The following IL34 variants were observed in gnomAD, a reference collection of about 807,000 sequenced individuals.
The protein encoded by IL34 is interleukin-34.
In IL34, 17 loss-of-function variants were observed where a neutral mutation model predicts 25.3. That is an observed-to-expected ratio of 0.67 (90% confidence interval 0.46 to 1.01). The LOEUF is 1.01. Ranked by LOEUF, IL34 falls within the 50% of genes least tolerant of loss-of-function variation. IL34 has a pLI of 0.00. For missense variants in IL34, 368 were observed against 312.9 expected (o/e 1.18, Z -1.33); for synonymous variants, 174 against 140.9 (o/e 1.23, Z -1.66).
At chr16:70,636,383 G>T (rs1025068866) in intron 1 of IL34, among the ~76,000 whole-genome samples, 3 of 152,258 alleles carry the variant, frequency 2.0e-5, no homozygotes, top group Middle Eastern at 3.4e-3. Context: ...TTCATTTACA[G>T]TCTAGAAACT....
At chr16:70,583,788 A>C (rs2050661166) in intron 1 of IL34, among the ~76,000 whole-genome samples, 1 of 151,974 alleles carries the variant, frequency 6.6e-6, no homozygotes, top group African/African-American at 2.4e-5. Flanking sequence ...AGTAGCTGGA[A>C]TTACAGGTGT....
intron 1 of IL34, among the ~76,000 whole-genome samples, chr16:70,582,886 A>T (rs1189502474): frequency 6.6e-6 from 1 of 152,186 alleles, no homozygotes; most frequent in Non-Finnish European, 1.5e-5. Context: ...CTTAAGGATG[A>T]GGAACAATTG....
intron 1 of IL34, among the ~76,000 whole-genome samples, chr16:70,606,669 C>T (rs2151823037): frequency 6.6e-6 from 1 of 152,140 alleles, no homozygotes; most frequent in Middle Eastern, 3.4e-3. Flanking sequence ...CTCACTGCAG[C>T]CTTAACCTCC....
At chr16:70,627,385 A>G (rs536246158) in intron 1 of IL34, among the ~76,000 whole-genome samples, 2 of 149,408 alleles carry the variant, frequency 1.3e-5, no homozygotes, top group South Asian at 4.3e-4. Context: ...CCAGATCCCC[A>G]AACACTCACT....
At chr16:70,648,988 TCTC>T (rs1239954716) in intron 1 of IL34, among the ~76,000 whole-genome samples, 15 of 152,134 alleles carry the variant, frequency 9.9e-5, no homozygotes, top group Non-Finnish European at 1.9e-4. Context: ...CTCTATGTCC[TCTC>T]CTCTTCTTCC....
chr16:70,658,270 A>G (rs1349542789), intron 4 of IL34, among the ~76,000 whole-genome samples: 6 of 152,190 alleles, frequency 3.9e-5, no homozygotes, highest in South Asian at 2.1e-4. Flanking sequence ...GAGGCTGTCA[A>G]TTCCTACAAA....
At chr16:70,582,615 C>T (rs533104072) in intron 1 of IL34, among the ~76,000 whole-genome samples, 1 of 152,340 alleles carries the variant, frequency 6.6e-6, no homozygotes, top group Non-Finnish European at 1.5e-5. Flanking sequence ...CCCCAAGGAG[C>T]CCTTACCGTG....
At chr16:70,611,081 C>G (rs1052558213) in intron 1 of IL34, among the ~76,000 whole-genome samples, 1 of 152,182 alleles carries the variant, frequency 6.6e-6, no homozygotes. Flanking sequence ...CTGGTTCAGG[C>G]AGTCCTCCCG....
intron 1 of IL34, among the ~76,000 whole-genome samples, chr16:70,600,614 T>G (rs1382933710): frequency 1.3e-5 from 2 of 152,222 alleles, no homozygotes; most frequent in Non-Finnish European, 2.9e-5. Flanking sequence ...TGTATCATAA[T>G]TTAATTGGCA....
At chr16:70,639,265 G>A (rs1002203282) in intron 1 of IL34, among the ~76,000 whole-genome samples, 15 of 152,146 alleles carry the variant, frequency 9.9e-5, no homozygotes, top group African/African-American at 2.9e-4. Context: ...GAAAATGCAC[G>A]TCCAGAACCC....
intron 4 of IL34, among the ~76,000 whole-genome samples, chr16:70,658,292 C>T (rs2052287524): frequency 6.6e-6 from 1 of 152,146 alleles, no homozygotes; most frequent in African/African-American, 2.4e-5. Context: ...TCAGGAGACT[C>T]CTTGATCTGC....
Position 70,660,202 on chromosome 16 carries a change from G to C in IL34, c.*15G>C. Reference sequence around the variant, plus strand: ...TCTTGCCCTGAGCACCCTGGATGGTGACTGCGGATAGGGGCAGCCAGACCA... The same window carrying C: ...TCTTGCCCTGAGCACCCTGGATGGTCACTGCGGATAGGGGCAGCCAGACCA... On this transcript the variant is annotated 3_prime_UTR_variant, in exon 6 of 6. Transcript: ENST00000288098. 6.4e-7 allele frequency: 1 copy of C among 1,552,320 alleles called. No individual in the cohort carries two copies. The highest frequency in any genetic ancestry group is 8.7e-7 in the Non-Finnish European group (1 of 1,151,612).
intron 1 of IL34, among the ~76,000 whole-genome samples, chr16:70,614,429 T>G (rs866185356): frequency 6.6e-6 from 1 of 152,194 alleles, no homozygotes; most frequent in Non-Finnish European, 1.5e-5. Context: ...GGGAGGGGCC[T>G]GGAGCCTGTG....
At chr16:70,600,624 A>G (rs2050900561) in intron 1 of IL34, among the ~76,000 whole-genome samples, 1 of 152,200 alleles carries the variant, frequency 6.6e-6, no homozygotes, top group Non-Finnish European at 1.5e-5. Context: ...TTTAATTGGC[A>G]GTTTCCCCAC....
At chr16:70,657,166 C>T (rs765338615) in intron 4 of IL34, 45 bp downstream of exon 4, 2 of 1,588,944 alleles carry the variant, frequency 1.3e-6, no homozygotes, top group African/African-American at 2.7e-5. Context: ...TGTGTGTGCA[C>T]ACGTGTGTAC....
At chr16:70,619,218 C>T (rs969080573) in intron 1 of IL34, among the ~76,000 whole-genome samples, 19 of 151,908 alleles carry the variant, frequency 1.3e-4, no homozygotes, top group Middle Eastern at 3.2e-3. Flanking sequence ...GGGATATTGG[C>T]GTTGAGTGGG....
intron 1 of IL34, among the ~76,000 whole-genome samples, chr16:70,638,666 C>T (rs4985553): frequency 0.3 from 45,363 of 151,928 alleles, 7,054 homozygotes; most frequent in South Asian, 0.46. Context: ...GTGTCAGCCA[C>T]GGCTCACTGC....
intron 1 of IL34, among the ~76,000 whole-genome samples, chr16:70,639,706 G>A (rs1011622161): frequency 6.6e-6 from 1 of 152,178 alleles, no homozygotes; most frequent in Non-Finnish European, 1.5e-5. Context: ...TCTAATCCCA[G>A]CACTTAGGGA....
intron 2 of IL34, 37 bp downstream of exon 2, chr16:70,654,708 C>A (rs377345866): frequency 1.3e-6 from 2 of 1,567,642 alleles, no homozygotes; most frequent in East Asian, 4.5e-5. Flanking sequence ...CCTGTCCCCG[C>A]GTCCCGGGGT....
Sources: gnomAD v4.1 joint callset for allele counts (sites outside exome capture counted in the v4.1 genomes callset) on GRCh38, gnomAD v4.1.1 for gene constraint, MANE v1.5 for transcripts, NCBI Gene and HGNC (gene_info 2026-07-23, HGNC 2026-07-21) for gene names.